Variants in TNNT3 observed in about 807,000 individuals in gnomAD.
TNNT3 encodes the protein troponin T3, fast skeletal type.
TNNT3 carries 36 observed loss-of-function variants against 54.2 expected under a neutral mutation model. The observed-to-expected ratio is 0.66, with a 90% CI of 0.51 to 0.88. TNNT3 has a LOEUF of 0.88. TNNT3 is among the 40% of genes least tolerant of loss of function. The pLI is 0.00. For missense variants in TNNT3, 291 were observed against 331.6 expected (o/e 0.88, Z 0.95); for synonymous variants, 120 against 109.7 (o/e 1.09, Z -0.59).
chr11:1,932,514 T>C lies in TNNT3; in HGVS notation c.171T>C (p.Asp57=), dbSNP rs1223550611. The change falls in exon 9 of 16, where the codon GAT becomes GAC. Residue 57 remains aspartate (D), a splice_region_variant and synonymous_variant. Transcript: ENST00000278317. ...KIPEGEKVDF[D]DIQKKRQNKD... ...CAGAAGGGGAGAAAGTGGACTTCGA[T>C]GTAAGTTTACAGGACTCTGGTTAAC... 4.3e-6 allele frequency: 7 copies of C among 1,613,872 alleles called. No individual in the cohort carries two copies. The highest frequency in any genetic ancestry group is 4.2e-6 in the Non-Finnish European group (5 of 1,179,940).
chr11:1,938,516 G>C lies in TNNT3; in HGVS notation c.*24G>C. 6.2e-7 allele frequency: 1 copy of C among 1,612,364 alleles called. No individual in the cohort carries two copies. The highest frequency in any genetic ancestry group is 8.5e-7 in the Non-Finnish European group (1 of 1,179,384). On this transcript the variant is annotated 3_prime_UTR_variant, in exon 16 of 16. Transcript: ENST00000278317. ...AGAGAGGCCAGAAAGGCCCCTCGAG[G>C]CAGAGACCCTCCGCCCTCTTGCACA...
intron 4 of TNNT3, chr11:1,924,865 G>A (rs960932955): frequency 4.6e-5 from 29 of 636,470 alleles, no homozygotes; most frequent in South Asian, 3.8e-4. Context: ...CAGGGGCCGG[G>A]CCCAGCCCAG....
intron 7 of TNNT3, 50 bp downstream of exon 7, chr11:1,929,193 A>G (rs1236740148): frequency 6.2e-7 from 1 of 1,604,784 alleles, no homozygotes; most frequent in Non-Finnish European, 8.5e-7. Flanking sequence ...GCTCTAGCCG[A>G]CGCGAGGGAA....
Position 1,934,265 on chromosome 11 carries a change from T to G in TNNT3, c.367-67T>G, listed in dbSNP as rs896515776. 1.8e-4 allele frequency: 271 copies of G among 1,491,618 alleles called. 1 individual carries two copies. Among genetic ancestry groups the G allele is most frequent in the Non-Finnish European group, 2.2e-4 (241 of 1,079,858 alleles). The allele number at this position is 1,491,618 out of a possible 1,614,324, so 92.4% of individuals were successfully genotyped here. ...CAGCTCTAAGCCCAGGGTGGGTCCC[T>G]AAAGCCTGCCCAGAAAGCATAGCCC... is the stretch of plus-strand genomic sequence containing the variant. On this transcript the variant is annotated intron_variant, in intron 11 of 15. Transcript: ENST00000278317.
At position 1,923,008 on chromosome 11, in the gene TNNT3, CCT is replaced by C. The variant is rs1850484886; in HGVS notation, c.18-31_18-30del. 4 of 1,613,360 alleles carry C rather than the reference CCT, an allele frequency of 2.5e-6. No homozygotes were observed. The East Asian group carries it at 6.7e-5, about 27-fold the overall frequency. ...GTCCAAGCAAAGCCCAGCCTCACTACCTCTCTCTCTTTCTTTCTCTCTCTCTC... is the reference window on the plus strand; with the variant it reads ...GTCCAAGCAAAGCCCAGCCTCACTACCTCTCTCTTTCTTTCTCTCTCTCTC... On this transcript the variant is annotated intron_variant, in intron 2 of 15. Transcript: ENST00000278317.
chr11:1,929,510 C>T (rs1852688896), intron 7 of TNNT3, among the ~76,000 whole-genome samples: 1 of 152,264 alleles, frequency 6.6e-6, no homozygotes, highest in Non-Finnish European at 1.5e-5. Context: ...CTCCTCCCTT[C>T]CCAGCCTTCA....
chr11:1,927,502 C>G (rs1589927129), intron 6 of TNNT3, among the ~76,000 whole-genome samples: 1 of 152,114 alleles, frequency 6.6e-6, no homozygotes, highest in Non-Finnish European at 1.5e-5. Context: ...ACTCGAGCCT[C>G]GGAGAGGCCC....
Position 1,920,978 on chromosome 11 carries a change from C to T in TNNT3, c.-19+1216C>T, listed in dbSNP as rs201017699. Among the ~76,000 whole-genome samples the T allele has an allele frequency of 3.9e-4, 59 of 152,290 alleles. 1 individual carries two copies. In the South Asian group the frequency reaches 0.011, roughly 29 times the overall value. On this transcript the variant is annotated intron_variant, in intron 1 of 15. Coordinates refer to ENST00000278317, the MANE Select transcript of TNNT3 (RefSeq NM_006757.4). ...CCACTTGGAGAGTGGGCCTTTCCAGCGCACGTCGGGGGGCCTGGAGGTCAC... is the reference window on the plus strand; with the variant it reads ...CCACTTGGAGAGTGGGCCTTTCCAGTGCACGTCGGGGGGCCTGGAGGTCAC...
intron 5 of TNNT3, 68 bp from the exon 6 acceptor site, chr11:1,926,627 G>A (rs199707182): frequency 6.7e-4 from 1,079 of 1,610,934 alleles, no homozygotes; most frequent in Non-Finnish European, 8.6e-4. Context: ...TCCTCTCTGC[G>A]CTGCCACCAC....
chr11:1,923,056 T>A lies in TNNT3; in HGVS notation c.26T>A (p.Val9Glu). Reference protein sequence around the residue: MSDEEVEQVEEQYEEEEEA... With the variant: MSDEEVEQEEEQYEEEEEA... ...CTCTCCCTGCCCCACAGTGAACAGG[T>A]GGAGGGTAAGTGTAACAGCCATTTT... is the stretch of plus-strand genomic sequence containing the variant. The change falls in exon 3 of 16, where the codon GTG becomes GAG. Residue 9 changes from valine (V) to glutamate (E), a missense_variant. Transcript: ENST00000278317. The A allele has an allele frequency of 2.5e-6, 4 of 1,613,834 alleles. No homozygotes were observed. Among genetic ancestry groups the A allele is most frequent in the Non-Finnish European group, 3.4e-6 (4 of 1,179,956 alleles).
intron 14 of TNNT3, chr11:1,935,311 T>A (rs1234962795): frequency 2.9e-6 from 1 of 344,544 alleles, no homozygotes; most frequent in Non-Finnish European, 5.7e-6. Context: ...GTCCGTCTGG[T>A]GTGGGGCGTC....
intron 5 of TNNT3, chr11:1,926,452 C>A (rs762857369): frequency 1.9e-6 from 3 of 1,613,240 alleles, no homozygotes; most frequent in Admixed American, 1.7e-5. Flanking sequence ...TGTTCCGTGG[C>A]CTCCTTGGCC....
At chr11:1,920,384 T>G (rs894261227) in intron 1 of TNNT3, among the ~76,000 whole-genome samples, 1 of 151,988 alleles carries the variant, frequency 6.6e-6, no homozygotes, top group South Asian at 2.1e-4. Context: ...GGGGCTGGAC[T>G]GGGGCAGGAC....
intron 9 of TNNT3, 74 bp from the exon 10 acceptor site, chr11:1,933,647 T>C: frequency 8.4e-7 from 1 of 1,195,116 alleles, no homozygotes; most frequent in South Asian, 1.2e-5. Flanking sequence ...AGGGACCTCT[T>C]GCTGCAAGGC....
intron 14 of TNNT3, chr11:1,936,392 T>G (rs1024181698): frequency 1.0e-6 from 1 of 974,410 alleles, no homozygotes; most frequent in African/African-American, 1.6e-5. Context: ...GCCCCCGCTC[T>G]CCCCTCGTGC....
At chr11:1,929,390 C>T (rs1457591247) in intron 7 of TNNT3, among the ~76,000 whole-genome samples, 4 of 152,196 alleles carry the variant, frequency 2.6e-5, no homozygotes, top group Non-Finnish European at 4.4e-5. Flanking sequence ...GGGGAGTAAG[C>T]GGGACCAGCC....
chr11:1,937,680 C>T (rs1855522640), intron 15 of TNNT3, among the ~76,000 whole-genome samples: 1 of 152,222 alleles, frequency 6.6e-6, no homozygotes, highest in African/African-American at 2.4e-5. Context: ...TCGATGTTTT[C>T]TGGGATTCTT....
chr11:1,927,229 A>T (rs963134356), intron 6 of TNNT3, among the ~76,000 whole-genome samples: 12 of 152,178 alleles, frequency 7.9e-5, no homozygotes, highest in African/African-American at 2.9e-4. Context: ...GGGACCCGGA[A>T]CAGCCAGGGG....
intron 15 of TNNT3, 191 bp from the exon 16 acceptor site, chr11:1,938,247 G>A (rs2133562914): frequency 3.0e-6 from 2 of 663,580 alleles, no homozygotes; most frequent in South Asian, 1.7e-5. Flanking sequence ...CCACACTAAC[G>A]ACCTAGGCCC....
Sources: gnomAD v4.1 joint callset for allele counts (sites outside exome capture counted in the v4.1 genomes callset) on GRCh38, gnomAD v4.1.1 for gene constraint, MANE v1.5 for transcripts, NCBI Gene and HGNC (gene_info 2026-07-23, HGNC 2026-07-21) for gene names.